PTCRA: variants seen among roughly 807,000 people sequenced by gnomAD.
The protein encoded by PTCRA is pre T-cell antigen receptor alpha.
In PTCRA, 9 loss-of-function variants were observed where a neutral mutation model predicts 13.4. The observed-to-expected ratio is 0.67, with a 90% confidence interval of 0.41 to 1.18. The LOEUF (loss-of-function observed/expected upper bound fraction) is 1.18, where lower values mean the gene tolerates loss of function less well. Among genes scored for constraint, PTCRA ranks in the 50% most tolerant of loss-of-function variants. The pLI is 0.01. For missense variants in PTCRA, 353 were observed against 359.8 expected (o/e 0.98, Z 0.15); for synonymous variants, 153 against 161.9 (o/e 0.94, Z 0.42).
chr6:42,923,644 T>C (rs1767297242), intron 2 of PTCRA, among the ~76,000 whole-genome samples: 6 of 152,234 alleles, frequency 3.9e-5, no homozygotes, highest in Admixed American at 3.9e-4. Context: ...CCTGTGTACA[T>C]GACACCCTAT....
In PTCRA at chr6:42,923,257, G is replaced by A; in HGVS notation, c.289G>A (p.Glu97Lys). 6.2e-7 allele frequency: 1 copy of A among 1,614,232 alleles called. No homozygotes were observed. The highest frequency in any genetic ancestry group is 2.2e-5 in the East Asian group (1 of 44,888). ...CTTGGCCCATCTCTCCCTGCCTTCTGAGGAGCTGGCATCCTGGGAGCCTTT... is the reference window on the plus strand; with the variant it reads ...CTTGGCCCATCTCTCCCTGCCTTCTAAGGAGCTGGCATCCTGGGAGCCTTT... ...TNLAHLSLPS[E>K]ELASWEPLVC... is the part of the protein sequence containing the mutation. Residue 97 changes from glutamate (E) to lysine (K), a missense_variant, in exon 2 of 4, where the codon GAG (glutamate) becomes AAG (lysine). Coordinates refer to ENST00000304672, the MANE Select transcript of PTCRA (RefSeq NM_138296.3).
chr6:42,925,379 C>T lies in PTCRA; in HGVS notation c.543C>T (p.Ser181=), dbSNP rs919491650. 1 of 1,555,388 alleles carries T rather than the reference C, an allele frequency of 6.4e-7. No individual in the cohort carries two copies. The highest frequency in any genetic ancestry group is 8.7e-7 in the Non-Finnish European group (1 of 1,149,658). Residue 181 remains serine, a synonymous_variant, in exon 4 of 4, where the codon TCC becomes TCT. Transcript: ENST00000304672. This position sits in a 1 kb window ranked among gnomAD's most constrained non-coding sequence, Gnocchi z 4.4. ...CLCDPAGPLP[S]PATTTRLRAL... The stretch of plus-strand genomic sequence containing the variant: ...GCGACCCCGCGGGCCCGCTGCCTTC[C>T]CCCGCAACCACCACCCGCCTGCGAG...
intron 2 of PTCRA, 72 bp downstream of exon 2, chr6:42,923,419 G>A (rs1447501515): frequency 6.8e-6 from 10 of 1,463,518 alleles, no homozygotes; most frequent in Admixed American, 1.8e-5. Context: ...GTTGGAGGGA[G>A]GGCAGGCTCC....
intron 1 of PTCRA, among the ~76,000 whole-genome samples, chr6:42,920,945 C>T (rs1460738263): frequency 6.6e-6 from 1 of 151,744 alleles, no homozygotes; most frequent in African/African-American, 2.4e-5. Context: ...CAGGCACGTG[C>T]CACCACACGC....
At chr6:42,918,429 CTGTA>C (rs1275625821) in intron 1 of PTCRA, among the ~76,000 whole-genome samples, 42 of 151,974 alleles carry the variant, frequency 2.8e-4, no homozygotes, top group Admixed American at 1.1e-3. Context: ...TGGTAGGTGC[CTGTA>C]ATCCCAGCTA....
chr6:42,924,189 C>T (rs2114133801), intron 2 of PTCRA, 40 bp from the exon 3 acceptor site: 3 of 1,571,786 alleles, frequency 1.9e-6, no homozygotes, highest in South Asian at 2.3e-5. Flanking sequence ...GAGTGCATGG[C>T]CCATCCCCAA....
Position 42,925,334 on chromosome 6 carries a change from C to G in PTCRA, c.498C>G (p.Leu166=). The G allele has an allele frequency of 6.3e-7, 1 of 1,582,344 alleles. No homozygotes were observed. Among genetic ancestry groups the G allele is most frequent in the Non-Finnish European group, 8.6e-7 (1 of 1,168,342 alleles). The change falls in exon 4 of 4, where the codon CTC becomes CTG. Residue 166 remains leucine (L), a synonymous_variant. Transcript: ENST00000304672. This position sits in a 1 kb window ranked among gnomAD's most constrained non-coding sequence, Gnocchi z 4.4. The stretch of plus-strand genomic sequence containing the variant: ...TCAAGCTGCTGCTGTTTGACCTGCT[C>G]CTGACCTGCAGCTGCCTGTGCGACC... ...LLFKLLLFDL[L]LTCSCLCDPA... is the part of the protein sequence containing the mutation.
intron 1 of PTCRA, 34 bp from the exon 2 acceptor site, chr6:42,922,993 G>C: frequency 1.9e-6 from 3 of 1,607,516 alleles, no homozygotes; most frequent in Non-Finnish European, 2.6e-6. Flanking sequence ...GCCAAAAGCT[G>C]GTCTAGCACC....
intron 2 of PTCRA, 36 bp downstream of exon 2, chr6:42,923,383 T>C: frequency 1.3e-6 from 2 of 1,587,436 alleles, no homozygotes; most frequent in Non-Finnish European, 1.7e-6. Flanking sequence ...GGATGCTCCC[T>C]GTCCCCTTCC....
chr6:42,925,267 C>A lies in PTCRA; in HGVS notation c.431C>A (p.Pro144Gln). Residue 144 changes from proline to glutamine, a missense_variant, in exon 4 of 4, where the codon CCG (proline) becomes CAG (glutamine). Coordinates refer to ENST00000304672, the MANE Select transcript of PTCRA (RefSeq NM_138296.3). The surrounding 1 kb of genome is among the most constrained non-coding windows in gnomAD (Gnocchi z 4.4). ...GAGCGGTTCCTCCTCGCAGGGACAC[C>A]GGGTGGGGCGCTGTGGCTGGGGGTC... is the stretch of plus-strand genomic sequence containing the variant. ...TCPQEPLRGT[P>Q]GGALWLGVLR... 6.3e-7 allele frequency: 1 copy of A among 1,588,296 alleles called. No individual in the cohort carries two copies. Among genetic ancestry groups the A allele is most frequent in the South Asian group, 1.1e-5 (1 of 88,888 alleles).
intron 1 of PTCRA, among the ~76,000 whole-genome samples, chr6:42,920,013 C>A (rs1358179864): frequency 6.9e-6 from 1 of 145,586 alleles, no homozygotes; most frequent in Admixed American, 6.8e-5. Context: ...CAGAGCTAGA[C>A]CCTGTCTCAA....
intron 1 of PTCRA, among the ~76,000 whole-genome samples, chr6:42,917,143 T>C (rs753656798): frequency 6.6e-6 from 1 of 151,568 alleles, no homozygotes; most frequent in Non-Finnish European, 1.5e-5. Context: ...ACTTATGGCC[T>C]TTACTCTTCA....
chr6:42,917,955 CAA>C (rs1334794896), intron 1 of PTCRA, among the ~76,000 whole-genome samples: 1 of 151,866 alleles, frequency 6.6e-6, no homozygotes, highest in African/African-American at 2.4e-5. Flanking sequence ...ACAAAACAAA[CAA>C]AAAGAGTCAG....
At chr6:42,924,193 TC>T in intron 2 of PTCRA, 35 bp from the exon 3 acceptor site, 5 of 1,581,378 alleles carry the variant, frequency 3.2e-6, no homozygotes, top group Non-Finnish European at 4.3e-6. Context: ...GCATGGCCCA[TC>T]CCCAAAGACT....
chr6:42,916,202 T>G, intron 1 of PTCRA, 75 bp downstream of exon 1: 1 of 1,359,904 alleles, frequency 7.4e-7, no homozygotes, highest in South Asian at 1.2e-5. Context: ...TGGACCTCCC[T>G]GGGTACTGAT....
At chr6:42,921,580 C>A (rs1436499674) in intron 1 of PTCRA, among the ~76,000 whole-genome samples, 3 of 144,860 alleles carry the variant, frequency 2.1e-5, no homozygotes, top group Non-Finnish European at 4.6e-5. Context: ...ACTAAGCCCA[C>A]CTAATTTTTG....
intron 1 of PTCRA, among the ~76,000 whole-genome samples, chr6:42,922,471 G>A (rs548149327): frequency 4.1e-4 from 62 of 152,220 alleles, no homozygotes; most frequent in African/African-American, 5.5e-4. Flanking sequence ...GGAGGTGGCC[G>A]GGCATGGTGG....
At position 42,923,288 on chromosome 6, in the gene PTCRA, G is replaced by C; in HGVS notation, c.320G>C (p.Cys107Ser). The C allele has an allele frequency of 6.2e-7, 1 of 1,614,222 alleles. No homozygotes were observed. Among genetic ancestry groups the C allele is most frequent in the Non-Finnish European group, 8.5e-7 (1 of 1,180,030 alleles). The change falls in exon 2 of 4, where the codon TGC becomes TCC. Residue 107 changes from cysteine to serine, a missense_variant. By Grantham distance (112) the Cys-to-Ser change is moderately radical. Transcript: ENST00000304672. ...EELASWEPLV[C>S]HTGPGAEGHS... Reference sequence around the variant, plus strand: ...CTGGCATCCTGGGAGCCTTTGGTCTGCCACACTGGGCCTGGGGCTGAGGGT... The same window carrying C: ...CTGGCATCCTGGGAGCCTTTGGTCTCCCACACTGGGCCTGGGGCTGAGGGT...
chr6:42,916,569 A>G (rs1000851346), intron 1 of PTCRA, among the ~76,000 whole-genome samples: 10 of 152,130 alleles, frequency 6.6e-5, no homozygotes, highest in Admixed American at 5.9e-4. Flanking sequence ...TGCCTGCCCT[A>G]GTTCAATAGG....
Sources: allele counts gnomAD v4.1 joint callset (sites outside exome capture counted in the v4.1 genomes callset), GRCh38; gene constraint gnomAD v4.1.1; non-coding constraint Gnocchi (gnomAD v3.1); transcripts MANE v1.5; gene names NCBI Gene and HGNC (gene_info 2026-07-23, HGNC 2026-07-21).